Variants in RHOJ observed in about 807,000 individuals in gnomAD.
RHOJ encodes ras homolog family member J.
In RHOJ, 11 loss-of-function variants were observed where a neutral mutation model predicts 23.4. The observed-to-expected ratio is 0.47, with a 90% confidence interval of 0.30 to 0.78. The LOEUF (loss-of-function observed/expected upper bound fraction) is 0.78, where lower values mean the gene tolerates loss of function less well. Among genes scored for constraint, RHOJ ranks in the 30% least tolerant of loss-of-function variants. RHOJ has a pLI of 0.08. For missense variants in RHOJ, 254 were observed against 273.4 expected, an observed-to-expected ratio of 0.93 and a Z score of 0.50; for synonymous variants, 102 against 102.7, an observed-to-expected ratio of 0.99 and a Z score of 0.04.
At chr14:63,220,713 C>A (rs1222499038) in intron 1 of RHOJ, among the ~76,000 whole-genome samples, 1 of 152,098 alleles carries the variant, frequency 6.6e-6, no homozygotes, top group South Asian at 2.1e-4. Context: ...ATATGCGGTT[C>A]CTCAAGTAAT....
At chr14:63,231,998 CAT>C (rs1355787211) in intron 1 of RHOJ, among the ~76,000 whole-genome samples, 1 of 152,174 alleles carries the variant, frequency 6.6e-6, no homozygotes, top group Non-Finnish European at 1.5e-5. Context: ...ATGGTGCACA[CAT>C]GTGTGACAGT....
At chr14:63,282,255 A>C (rs1357223917) in intron 3 of RHOJ, among the ~76,000 whole-genome samples, 1 of 151,096 alleles carries the variant, frequency 6.6e-6, no homozygotes, top group Admixed American at 6.6e-5. Context: ...ATAGGCACAA[A>C]ATTGAACAAT....
intron 4 of RHOJ, among the ~76,000 whole-genome samples, chr14:63,284,810 G>T (rs969173840): frequency 1.3e-5 from 2 of 152,252 alleles, no homozygotes; most frequent in South Asian, 4.1e-4. Flanking sequence ...CAGCTTCCTA[G>T]CCTCACTTCT....
intron 1 of RHOJ, among the ~76,000 whole-genome samples, chr14:63,254,568 C>T (rs191994914): frequency 2.8e-4 from 43 of 152,190 alleles, no homozygotes; most frequent in Non-Finnish European, 2.9e-5. Context: ...GTCCAGTCAG[C>T]TATTAAGCAT....
intron 2 of RHOJ, 94 bp from the exon 3 acceptor site, chr14:63,280,877 C>T (rs1342365739): frequency 1.1e-5 from 13 of 1,164,746 alleles, no homozygotes; most frequent in East Asian, 5.1e-5. Flanking sequence ...GATCCCAGTG[C>T]GCTGTAGTGG....
At chr14:63,290,198 G>A (rs1566633187) in intron 4 of RHOJ, among the ~76,000 whole-genome samples, 2 of 152,148 alleles carry the variant, frequency 1.3e-5, no homozygotes, top group Non-Finnish European at 2.9e-5. Context: ...TTAAGATGGT[G>A]CCACTGCACT....
intron 1 of RHOJ, among the ~76,000 whole-genome samples, chr14:63,220,950 T>C (rs1186406077): frequency 6.6e-6 from 1 of 152,204 alleles, no homozygotes; most frequent in Non-Finnish European, 1.5e-5. Context: ...ATATCTATAC[T>C]GTGTTTGGTC....
chr14:63,287,676 T>C (rs1470827252), intron 4 of RHOJ, among the ~76,000 whole-genome samples: 1 of 152,036 alleles, frequency 6.6e-6, no homozygotes, highest in Non-Finnish European at 1.5e-5. Context: ...AGATAATAAG[T>C]TTTAGCTATT....
At chr14:63,246,884 G>A (rs1894985023) in intron 1 of RHOJ, among the ~76,000 whole-genome samples, 1 of 152,146 alleles carries the variant, frequency 6.6e-6, no homozygotes, top group South Asian at 2.1e-4. Flanking sequence ...TGACAAACTA[G>A]ATCACAACCT....
intron 2 of RHOJ, 116 bp from the exon 3 acceptor site, chr14:63,280,855 A>C (rs1881874382): frequency 3.3e-6 from 3 of 908,736 alleles, no homozygotes; most frequent in Non-Finnish European, 4.8e-6. Flanking sequence ...TCCAGGGTTG[A>C]GGAAGAAACG....
intron 1 of RHOJ, among the ~76,000 whole-genome samples, chr14:63,238,175 T>C (rs1341499018): frequency 1.3e-5 from 2 of 152,234 alleles, no homozygotes; most frequent in Non-Finnish European, 2.9e-5. Context: ...ATTTAGAAAG[T>C]TGAAATCAAA....
intron 1 of RHOJ, among the ~76,000 whole-genome samples, chr14:63,251,609 C>G (rs1163489894): frequency 1.3e-5 from 2 of 152,204 alleles, no homozygotes; most frequent in African/African-American, 4.8e-5. Flanking sequence ...TCAGATGATT[C>G]TCTCACTCCA....
chr14:63,236,047 A>G (rs1894783408), intron 1 of RHOJ, among the ~76,000 whole-genome samples: 1 of 152,242 alleles, frequency 6.6e-6, no homozygotes, highest in African/African-American at 2.4e-5. Context: ...AAAAGCAGCA[A>G]TCATGAACAG....
At chr14:63,255,961 C>T (rs1002032264) in intron 1 of RHOJ, among the ~76,000 whole-genome samples, 6 of 152,056 alleles carry the variant, frequency 3.9e-5, no homozygotes, top group South Asian at 2.1e-4. Flanking sequence ...CTCCAACTCC[C>T]GGGCTCAAGC....
chr14:63,284,954 G>A (rs539362371), intron 4 of RHOJ, among the ~76,000 whole-genome samples: 1 of 152,298 alleles, frequency 6.6e-6, no homozygotes, highest in African/African-American at 2.4e-5. Context: ...CCTAGCAACT[G>A]CTCTCAGATA....
intron 1 of RHOJ, among the ~76,000 whole-genome samples, chr14:63,251,873 C>T (rs559966261): frequency 6.6e-6 from 1 of 152,226 alleles, no homozygotes; most frequent in Non-Finnish European, 1.5e-5. Flanking sequence ...GTAATCCCAG[C>T]ACTTTGGGAG....
intron 1 of RHOJ, among the ~76,000 whole-genome samples, chr14:63,221,726 C>G (rs1894497875): frequency 6.6e-6 from 1 of 152,200 alleles, no homozygotes; most frequent in African/African-American, 2.4e-5. Context: ...CCTTCAGAGG[C>G]TCTGAGAAGA....
chr14:63,213,666 C>A (rs929925111), intron 1 of RHOJ, among the ~76,000 whole-genome samples: 1 of 152,084 alleles, frequency 6.6e-6, no homozygotes, highest in African/African-American at 2.4e-5. Flanking sequence ...AATAGGATTG[C>A]TGGGTAGAAT....
At chr14:63,227,832 G>A (rs865873294) in intron 1 of RHOJ, among the ~76,000 whole-genome samples, 18 of 152,212 alleles carry the variant, frequency 1.2e-4, no homozygotes, top group Non-Finnish European at 7.3e-5. Context: ...AGATTTACAT[G>A]AAGCTAATGA....
Sources: gnomAD v4.1 joint callset for allele counts (sites outside exome capture counted in the v4.1 genomes callset) on GRCh38, gnomAD v4.1.1 for gene constraint, MANE v1.5 for transcripts, NCBI Gene and HGNC (gene_info 2026-07-23, HGNC 2026-07-21) for gene names.